The following SH3RF2 variants were observed in gnomAD, a reference collection of about 807,000 sequenced individuals.
The protein encoded by SH3RF2 is SH3 domain containing ring finger 2.
SH3RF2 carries 43 observed loss-of-function variants against 59.0 expected under a neutral mutation model. The ratio of observed to expected loss-of-function variants is 0.73; its 90% CI spans 0.57 to 0.94. The LOEUF (loss-of-function observed/expected upper bound fraction) is 0.94, where lower values mean the gene tolerates loss of function less well. SH3RF2 is among the 40% of genes least tolerant of loss of function. SH3RF2 has a pLI of 0.00. For missense variants in SH3RF2, 930 were observed against 940.1 expected (o/e 0.99, Z 0.14); for synonymous variants, 391 against 391.5 (o/e 1.00, Z 0.01).
intron 5 of SH3RF2, among the ~76,000 whole-genome samples, chr5:146,014,970 G>C (rs552102345): frequency 1.6e-4 from 24 of 152,314 alleles, no homozygotes; most frequent in African/African-American, 5.8e-4. Flanking sequence ...AGAGCTGCAT[G>C]TTGGGTATTC....
intron 5 of SH3RF2, among the ~76,000 whole-genome samples, chr5:146,041,826 G>A (rs888206007): frequency 2.0e-5 from 3 of 152,180 alleles, no homozygotes; most frequent in African/African-American, 4.8e-5. Context: ...AGCCACTCAG[G>A]AGGCTGAGGC....
At chr5:146,023,057 T>C (rs1414895742) in intron 5 of SH3RF2, among the ~76,000 whole-genome samples, 2 of 152,150 alleles carry the variant, frequency 1.3e-5, no homozygotes, top group African/African-American at 2.4e-5. Flanking sequence ...TAAATTTCTT[T>C]ATTCTACATA....
At chr5:146,048,970 CT>C in intron 6 of SH3RF2, 104 bp from the exon 7 acceptor site, 2 of 1,372,908 alleles carry the variant, frequency 1.5e-6, no homozygotes, top group Non-Finnish European at 2.0e-6. Flanking sequence ...CAAGAAGGTT[CT>C]TATTGCTAAC....
At chr5:146,043,629 A>C (rs990764650) in intron 5 of SH3RF2, 2 of 152,156 alleles carry the variant, frequency 1.3e-5, no homozygotes, top group Admixed American at 1.3e-4. Context: ...TTTGCTATCA[A>C]TCCTGTCTCC....
At chr5:146,002,584 C>T (rs1314943886) in intron 3 of SH3RF2, among the ~76,000 whole-genome samples, 4 of 151,950 alleles carry the variant, frequency 2.6e-5, no homozygotes, top group Non-Finnish European at 5.9e-5. Flanking sequence ...CAGGGGCCCC[C>T]AACCCCAGGA....
In SH3RF2 at chr5:145,970,116, G is replaced by C. The variant is rs1759019985; in HGVS notation, c.379-29942G>C. 3.3e-5 allele frequency among the ~76,000 whole-genome samples: 5 copies of C among 151,672 alleles called. No individual in the cohort carries two copies. The South Asian group carries it at 1.0e-3, about 32-fold the overall frequency. On this transcript the variant is annotated intron_variant, in intron 2 of 9. Coordinates refer to ENST00000359120, the MANE Select transcript of SH3RF2 (RefSeq NM_152550.4). The stretch of plus-strand genomic sequence containing the variant: ...ACTCATTTAATCTTCACAGATTATT[G>C]TTCCATTTTATTTTTTTTTTCAATC...
intron 4 of SH3RF2, among the ~76,000 whole-genome samples, chr5:146,011,061 G>A (rs1380441404): frequency 6.6e-6 from 1 of 152,146 alleles, no homozygotes; most frequent in African/African-American, 2.4e-5. Context: ...TTTGTATAAG[G>A]TGTAAGGAAG....
chr5:146,017,170 G>A (rs1408743307), intron 5 of SH3RF2, among the ~76,000 whole-genome samples: 2 of 152,214 alleles, frequency 1.3e-5, no homozygotes, highest in East Asian at 1.9e-4. Flanking sequence ...CTGCAACTAC[G>A]GACTAAAAAC....
At chr5:146,053,005 T>C (rs761628018) in intron 7 of SH3RF2, among the ~76,000 whole-genome samples, 1 of 152,180 alleles carries the variant, frequency 6.6e-6, no homozygotes, top group Non-Finnish European at 1.5e-5. Flanking sequence ...CTGCAGCCTT[T>C]TATAAAACAG....
downstream of SH3RF2, among the ~76,000 whole-genome samples, chr5:146,064,689 A>G (rs1316688911): frequency 2.5e-4 from 1 of 3,956 alleles, no homozygotes; most frequent in African/African-American, 6.1e-4. Context: ...AAAGAAAGAA[A>G]GAAAGAAAGA....
At chr5:146,068,254 T>C (rs1330421767), downstream of SH3RF2, among the ~76,000 whole-genome samples, 1 of 152,198 alleles carries the variant, frequency 6.6e-6, no homozygotes, top group Non-Finnish European at 1.5e-5. Flanking sequence ...CATCCTCATC[T>C]TCTCACCCAC....
intron 2 of SH3RF2, among the ~76,000 whole-genome samples, chr5:145,981,268 TG>T (rs1400427616): frequency 6.6e-6 from 1 of 152,034 alleles, no homozygotes; most frequent in Non-Finnish European, 1.5e-5. Flanking sequence ...CTAATTTTTT[TG>T]GCTATTTTTT....
intron 9 of SH3RF2, among the ~76,000 whole-genome samples, chr5:146,071,531 G>A (rs1763241712): frequency 6.6e-6 from 1 of 152,198 alleles, no homozygotes; most frequent in Non-Finnish European, 1.5e-5. Flanking sequence ...GTTTTTAGAT[G>A]TTGGCAAGTT....
chr5:146,048,490 T>C (rs1320717224), intron 6 of SH3RF2, among the ~76,000 whole-genome samples: 1 of 152,188 alleles, frequency 6.6e-6, no homozygotes, highest in Non-Finnish European at 1.5e-5. Context: ...ATACATGTTG[T>C]TTAGTAAACA....
intron 2 of SH3RF2, among the ~76,000 whole-genome samples, chr5:145,995,380 G>A (rs1373800971): frequency 6.6e-6 from 1 of 152,150 alleles, no homozygotes; most frequent in Non-Finnish European, 1.5e-5. Context: ...AAGTATGGAG[G>A]AACAATTATT....
chr5:145,953,124 TCA>T (rs3221819), intron 2 of SH3RF2, among the ~76,000 whole-genome samples: 4,471 of 148,452 alleles, frequency 0.03, 193 homozygotes, highest in African/African-American at 0.1. Context: ...TCTCTCTCTG[TCA>T]CACACACACA....
chr5:145,998,281 T>TAAA (rs35018423), intron 2 of SH3RF2, among the ~76,000 whole-genome samples: 5 of 140,368 alleles, frequency 3.6e-5, no homozygotes, highest in African/African-American at 1.3e-4. Context: ...GGCCCATAGT[T>TAAA]AAAAAAAAAA....
intron 2 of SH3RF2, among the ~76,000 whole-genome samples, chr5:145,957,075 C>A (rs1445273947): frequency 6.6e-6 from 1 of 152,124 alleles, no homozygotes; most frequent in East Asian, 1.9e-4. Flanking sequence ...TTTGAGACAG[C>A]CAATTCTTTT....
intron 5 of SH3RF2, among the ~76,000 whole-genome samples, chr5:146,033,837 A>T (rs140026401): frequency 6.6e-6 from 1 of 152,266 alleles, no homozygotes; most frequent in African/African-American, 2.4e-5. Context: ...GAGTTAGGGA[A>T]TATCAAGAAA....
Sources: gnomAD v4.1 joint callset for allele counts (sites outside exome capture counted in the v4.1 genomes callset) on GRCh38, gnomAD v4.1.1 for gene constraint, MANE v1.5 for transcripts, NCBI Gene and HGNC (gene_info 2026-07-23, HGNC 2026-07-21) for gene names.